PTPRN2: variants seen among roughly 807,000 people sequenced by gnomAD.
PTPRN2 encodes protein tyrosine phosphatase receptor type N2.
A neutral mutation model predicts 118.8 loss-of-function variants in PTPRN2; 74 were observed. The ratio of observed to expected loss-of-function variants is 0.62; its 90% CI spans 0.52 to 0.76. The LOEUF (loss-of-function observed/expected upper bound fraction) is 0.76, where lower values mean the gene tolerates loss of function less well. PTPRN2 is among the 30% of genes least tolerant of loss of function. The pLI, the probability that PTPRN2 is intolerant of heterozygous loss-of-function variation, is 0.00. For missense variants in PTPRN2, 1,481 were observed against 1,394.4 expected (o/e 1.06, Z -0.99); for synonymous variants, 641 against 608.0 (o/e 1.05, Z -0.80).
At chr7:157,959,014 G>T (rs1364781587) in intron 11 of PTPRN2, among the ~76,000 whole-genome samples, 1 of 152,228 alleles carries the variant, frequency 6.6e-6, no homozygotes, top group Non-Finnish European at 1.5e-5. Context: ...AAAACAGCAT[G>T]GTCCTGGCAG....
At chr7:158,340,401 C>T (rs1240337912) in intron 2 of PTPRN2, among the ~76,000 whole-genome samples, 1 of 71,192 alleles carries the variant, frequency 1.4e-5, no homozygotes, top group Non-Finnish European at 3.0e-5. Flanking sequence ...TAAGAGCTGA[C>T]ACCCGCAGAC....
chr7:157,914,559 G>C (rs138769536), intron 11 of PTPRN2, among the ~76,000 whole-genome samples: 6 of 151,280 alleles, frequency 4.0e-5, no homozygotes, highest in Non-Finnish European at 7.4e-5. Context: ...CCTCTTCCCC[G>C]GCAATGGCTT....
intron 1 of PTPRN2, among the ~76,000 whole-genome samples, chr7:158,552,524 A>T (rs1826730963): frequency 6.6e-6 from 1 of 152,208 alleles, no homozygotes; most frequent in African/African-American, 2.4e-5. Context: ...ATCTCAGCTC[A>T]CTACAATCTC....
At chr7:157,932,271 A>G (rs1264230123) in intron 11 of PTPRN2, among the ~76,000 whole-genome samples, 3 of 152,250 alleles carry the variant, frequency 2.0e-5, no homozygotes, top group Non-Finnish European at 4.4e-5. Flanking sequence ...TAATCAACAG[A>G]ACTTACACGA....
At chr7:158,474,255 C>T (rs867799559) in intron 2 of PTPRN2, among the ~76,000 whole-genome samples, 3 of 152,166 alleles carry the variant, frequency 2.0e-5, no homozygotes, top group African/African-American at 4.8e-5. Context: ...CGGAGTAAAC[C>T]GGGAGATTCA....
chr7:157,849,039 C>T (rs765561584), intron 12 of PTPRN2, among the ~76,000 whole-genome samples: 5 of 152,208 alleles, frequency 3.3e-5, no homozygotes, highest in African/African-American at 7.2e-5. Context: ...CTTGGGATGA[C>T]GTCTGCGGAG....
chr7:157,664,376 GC>G (rs1796035273), intron 13 of PTPRN2, among the ~76,000 whole-genome samples: 1 of 152,244 alleles, frequency 6.6e-6, no homozygotes, highest in South Asian at 2.1e-4. Context: ...TTCTGTGGGG[GC>G]CCAGGGCACA....
At position 157,990,874 on chromosome 7, in the gene PTPRN2, G is replaced by A. The variant is rs1804201702; in HGVS notation, c.1723+90424C>T. 6.6e-6 allele frequency among the ~76,000 whole-genome samples: 1 copy of A among 152,202 alleles called. No homozygotes were observed. Among genetic ancestry groups the A allele is most frequent in the African/African-American group, 2.4e-5 (1 of 41,458 alleles). On this transcript the variant is annotated intron_variant, in intron 11 of 22. Coordinates refer to ENST00000389418, the MANE Select transcript of PTPRN2 (RefSeq NM_002847.5). The surrounding 1 kb of genome is among the most constrained non-coding windows in gnomAD (Gnocchi z 4.3). Reference sequence around the variant, plus strand: ...CCAGCGCTTACCGAGGAGGACTGGGGAGGGGGGCCGAGTCTCCAGTCAGGC... The same window carrying A: ...CCAGCGCTTACCGAGGAGGACTGGGAAGGGGGGCCGAGTCTCCAGTCAGGC...
intron 2 of PTPRN2, among the ~76,000 whole-genome samples, chr7:158,436,384 G>A (rs1039543182): frequency 6.6e-6 from 1 of 151,430 alleles, no homozygotes; most frequent in Non-Finnish European, 1.5e-5. Context: ...AGTCTCTCGA[G>A]TTCTGTCTGT....
At chr7:158,239,442 C>A (rs1795775110) in intron 3 of PTPRN2, among the ~76,000 whole-genome samples, 1 of 152,208 alleles carries the variant, frequency 6.6e-6, no homozygotes, top group African/African-American at 2.4e-5. Context: ...GCGCGGCCCC[C>A]ACCCTCCTGC....
rs552051165 is a variant in PTPRN2 at position 158,571,525 on chromosome 7, C to CTT, written c.112+16031_112+16032dup. ...AACAAAAAAAAACACACACCTATTT[C>CTT]TTTTTTTTTTTTTTTTTTTTTCTTT... is the stretch of plus-strand genomic sequence containing the variant. On this transcript the variant is annotated intron_variant, in intron 1 of 22. Coordinates refer to ENST00000389418, the MANE Select transcript of PTPRN2 (RefSeq NM_002847.5). Among the ~76,000 whole-genome samples the CTT allele has an allele frequency of 8.1e-4, 58 of 71,804 alleles. 1 individual carries two copies. The highest frequency in any genetic ancestry group is 6.7e-4 in the East Asian group (1 of 1,490). 47.1% of individuals were successfully genotyped at this position (71,804 alleles called of 152,430 possible).
At chr7:157,616,786 T>G (rs1395385117) in intron 15 of PTPRN2, 1 of 151,998 alleles carries the variant, frequency 6.6e-6, no homozygotes, top group Non-Finnish European at 1.5e-5. Context: ...TGATAACTTT[T>G]GGTCACTCAG....
chr7:158,275,886 C>T (rs1798929758), intron 3 of PTPRN2, among the ~76,000 whole-genome samples: 1 of 152,190 alleles, frequency 6.6e-6, no homozygotes, highest in Non-Finnish European at 1.5e-5. Context: ...AGGGGGTGAC[C>T]TTCCCAAGGA....
At chr7:158,182,339 CTTTT>C (rs1234961709) in intron 5 of PTPRN2, among the ~76,000 whole-genome samples, 1 of 152,068 alleles carries the variant, frequency 6.6e-6, no homozygotes, top group East Asian at 1.9e-4. Flanking sequence ...AGTATACAGT[CTTTT>C]TTTGTTTCAT....
At chr7:157,680,665 C>T (rs368300236) in intron 13 of PTPRN2, among the ~76,000 whole-genome samples, 4 of 152,170 alleles carry the variant, frequency 2.6e-5, no homozygotes, top group East Asian at 1.9e-4. Flanking sequence ...AACAATCCAC[C>T]GTGATGGGGC....
At chr7:157,776,918 G>A (rs1167348697) in intron 12 of PTPRN2, among the ~76,000 whole-genome samples, 5 of 26,452 alleles carry the variant, frequency 1.9e-4, no homozygotes, top group South Asian at 1.5e-3. Context: ...CCTCCTCCTC[G>A]CTCTTCTCCT....
intron 4 of PTPRN2, among the ~76,000 whole-genome samples, chr7:158,196,890 A>C (rs1215193273): frequency 6.6e-6 from 1 of 152,238 alleles, no homozygotes; most frequent in African/African-American, 2.4e-5. Flanking sequence ...TGGCTCTCTT[A>C]GAAATACGAC....
chr7:157,686,198 C>G (rs2150819836), intron 12 of PTPRN2, among the ~76,000 whole-genome samples: 1 of 152,322 alleles, frequency 6.6e-6, no homozygotes, highest in Non-Finnish European at 1.5e-5. Flanking sequence ...TTCCTACCCG[C>G]CCGCGGGCGC....
At chr7:157,641,724 C>T (rs1296943528) in intron 14 of PTPRN2, among the ~76,000 whole-genome samples, 2 of 152,226 alleles carry the variant, frequency 1.3e-5, no homozygotes, top group African/African-American at 4.8e-5. Context: ...TCAGGACCCA[C>T]TCAGTCCCTG....
Sources: allele counts gnomAD v4.1 joint callset (sites outside exome capture counted in the v4.1 genomes callset), GRCh38; gene constraint gnomAD v4.1.1; non-coding constraint Gnocchi (gnomAD v3.1); transcripts MANE v1.5; gene names NCBI Gene and HGNC (gene_info 2026-07-23, HGNC 2026-07-21).